Variants in CNRIP1 observed in about 807,000 individuals in gnomAD.
The protein encoded by CNRIP1 is cannabinoid receptor interacting protein 1, also known as CB1 cannabinoid receptor-interacting protein 1.
Under a neutral mutation model 15.2 loss-of-function variants are expected in CNRIP1, and 10 were observed. That is an observed-to-expected ratio of 0.66 (90% CI 0.41 to 1.12). CNRIP1 has a LOEUF of 1.12. CNRIP1 is among the 50% of genes most tolerant of loss of function. The pLI is 0.00. For missense variants in CNRIP1, 211 were observed against 214.7 expected (o/e 0.98, Z 0.11); for synonymous variants, 91 against 83.2 (o/e 1.09, Z -0.51).
rs1672433395 is a variant in CNRIP1, at chr2:68,319,764, T to C, written c.-364A>G. On this transcript the variant is annotated 5_prime_UTR_variant, in exon 1 of 3. The change abolishes the stop of an existing upstream ORF in the 5' untranslated region. Transcript: ENST00000263655. ...CTGGGGGCGAGGGAGTTAATCCTGT[T>C]TACGCACCACAATCCCCTTCAGCTG... 1 of 218,166 alleles carries C rather than the reference T, an allele frequency of 4.6e-6. No individual in the cohort carries two copies. 13.5% of individuals were successfully genotyped at this position (218,166 alleles called of 1,614,324 possible). A position where few individuals can be genotyped will look rare whatever the true frequency, so the allele number is the denominator to read the frequency against.
intron 2 of CNRIP1, among the ~76,000 whole-genome samples, chr2:68,311,208 GA>G (rs913712307): frequency 9.9e-5 from 15 of 151,974 alleles, no homozygotes; most frequent in African/African-American, 2.7e-4. Flanking sequence ...CCCAAGGGGG[GA>G]AAAACCAGTT....
At chr2:68,301,990 T>A (rs1045743082) in intron 2 of CNRIP1, among the ~76,000 whole-genome samples, 2 of 151,402 alleles carry the variant, frequency 1.3e-5, no homozygotes, top group Non-Finnish European at 2.9e-5. Flanking sequence ...TATTAACTTA[T>A]AAAATTCATA....
downstream of CNRIP1, among the ~76,000 whole-genome samples, chr2:68,292,788 T>G (rs532321221): frequency 6.6e-5 from 10 of 152,266 alleles, no homozygotes; most frequent in South Asian, 1.7e-3. Flanking sequence ...GTACAAGCAT[T>G]TTTTGATTGC....
chr2:68,311,853 C>A (rs1413677265), intron 2 of CNRIP1, among the ~76,000 whole-genome samples: 2 of 147,938 alleles, frequency 1.4e-5, no homozygotes, highest in African/African-American at 2.5e-5. Context: ...TCCTAAGACA[C>A]TGAAGAATGG....
At chr2:68,295,032 C>T (rs896092112) in intron 2 of CNRIP1, among the ~76,000 whole-genome samples, 1 of 152,198 alleles carries the variant, frequency 6.6e-6, no homozygotes, top group African/African-American at 2.4e-5. Context: ...GACCCTGCTA[C>T]TGCCTTCTGG....
chr2:68,293,991 T>C lies in CNRIP1; in HGVS notation c.366A>G (p.Gln122=). The change falls in exon 3 of 3, where the codon CAA becomes CAG. Residue 122 remains glutamine, a synonymous_variant. Transcript: ENST00000263655. ...GCTTGTGGTAATTGTAGAACTTGAC[T>C]TGCCACACTGTCTCGAAGGTCCCAA... ...TDIGTFETVW[Q]VKFYNYHKRD... 1 of 1,613,968 alleles carries C rather than the reference T, an allele frequency of 6.2e-7. No individual in the cohort carries two copies. The highest frequency in any genetic ancestry group is 8.5e-7 in the Non-Finnish European group (1 of 1,179,912).
intron 2 of CNRIP1, among the ~76,000 whole-genome samples, chr2:68,310,378 G>C (rs1045759682): frequency 1.3e-5 from 2 of 152,114 alleles, no homozygotes; most frequent in Admixed American, 6.5e-5. Context: ...AGAAATAGGG[G>C]AACCTCAGGG....
At chr2:68,304,525 A>G (rs545139745) in intron 2 of CNRIP1, among the ~76,000 whole-genome samples, 3 of 152,274 alleles carry the variant, frequency 2.0e-5, no homozygotes, top group South Asian at 2.1e-4. Flanking sequence ...CTAGGTTTCT[A>G]TATGTGAATT....
At chr2:68,319,103 G>T in intron 1 of CNRIP1, 119 bp downstream of exon 1, 1 of 1,055,244 alleles carries the variant, frequency 9.5e-7, no homozygotes, top group Non-Finnish European at 1.3e-6. Context: ...CAACCCCCGG[G>T]CCCGCTGGGA....
intron 2 of CNRIP1, among the ~76,000 whole-genome samples, chr2:68,302,948 C>T (rs377568959): frequency 1.3e-4 from 20 of 150,420 alleles, no homozygotes; most frequent in Non-Finnish European, 1.9e-4. Context: ...CCGGGGTTCA[C>T]GCCATTCTCC....
downstream of CNRIP1, among the ~76,000 whole-genome samples, chr2:68,292,330 G>C (rs1671195080): frequency 6.6e-6 from 1 of 152,134 alleles, no homozygotes; most frequent in African/African-American, 2.4e-5. Context: ...GCTGTTCCCT[G>C]GTGGCTGTAC....
chr2:68,307,450 T>C (rs2103667174), intron 2 of CNRIP1, among the ~76,000 whole-genome samples: 1 of 152,236 alleles, frequency 6.6e-6, no homozygotes, highest in East Asian at 1.9e-4. Flanking sequence ...GTCTCTGGAG[T>C]AGCTGAGACT....
chr2:68,305,270 A>ATGTGTGTGTGTGTGTG (rs1367890101), intron 2 of CNRIP1, among the ~76,000 whole-genome samples: 2 of 98,596 alleles, frequency 2.0e-5, no homozygotes, highest in South Asian at 5.2e-4. Context: ...ATATATATAT[A>ATGTGTGTGTGTGTGTG]TATATGTGTG....
intron 2 of CNRIP1, among the ~76,000 whole-genome samples, chr2:68,300,248 A>T (rs1020005433): frequency 3.3e-5 from 5 of 152,214 alleles, no homozygotes; most frequent in Non-Finnish European, 7.3e-5. Flanking sequence ...ATTGCTCTAT[A>T]TCCTCTCCAA....
rs768297383 is a variant in CNRIP1 at position 68,293,982 on chromosome 2, G to A, written c.375C>T (p.Phe125=). The change falls in exon 3 of 3, where the codon TTC becomes TTT. Residue 125 remains phenylalanine, a synonymous_variant. Transcript: ENST00000263655. ...GTFETVWQVK[F]YNYHKRDHCQ... ...AGTGATCCCGCTTGTGGTAATTGTA[G>A]AACTTGACTTGCCACACTGTCTCGA... 38 of 1,613,942 alleles carry A rather than the reference G, an allele frequency of 2.4e-5. No individual in the cohort carries two copies. The highest frequency in any genetic ancestry group is 1.4e-5 in the Non-Finnish European group (16 of 1,179,976).
chr2:68,308,711 A>T (rs1671960535), intron 2 of CNRIP1, among the ~76,000 whole-genome samples: 1 of 152,162 alleles, frequency 6.6e-6, no homozygotes, highest in Non-Finnish European at 1.5e-5. Flanking sequence ...TTGAGCTTAG[A>T]TTTGATGCTG....
At position 68,293,508 on chromosome 2, in the gene CNRIP1, T is replaced by A; in HGVS notation, c.*354A>T. The stretch of plus-strand genomic sequence containing the variant: ...CAAAAAAAAGGAGGAATCACTTAAC[T>A]TGGAAACAAAACACCAAAGTTAGTC... On this transcript the variant is annotated 3_prime_UTR_variant, in exon 3 of 3. Coordinates refer to ENST00000263655, the MANE Select transcript of CNRIP1 (RefSeq NM_015463.3). 1 of 1,008,310 alleles carries A rather than the reference T, an allele frequency of 9.9e-7. No individual in the cohort carries two copies. The highest frequency in any genetic ancestry group is 5.4e-5 in the Admixed American group (1 of 18,432). 62.5% of individuals were successfully genotyped at this position (1,008,310 alleles called of 1,614,324 possible). A position where few individuals can be genotyped will look rare whatever the true frequency, so the allele number is the denominator to read the frequency against.
intron 1 of CNRIP1, among the ~76,000 whole-genome samples, chr2:68,317,962 A>G (rs1382437195): frequency 6.6e-6 from 1 of 152,066 alleles, no homozygotes; most frequent in Non-Finnish European, 1.5e-5. Context: ...AAATAGTTTT[A>G]TTCCTAACAA....
intron 1 of CNRIP1, among the ~76,000 whole-genome samples, chr2:68,318,563 C>T (rs1216568069): frequency 1.3e-5 from 2 of 152,190 alleles, no homozygotes; most frequent in Non-Finnish European, 2.9e-5. Context: ...ATCCCAGGCA[C>T]CATCACCAGC....
Sources: gnomAD v4.1 joint callset for allele counts (sites outside exome capture counted in the v4.1 genomes callset) on GRCh38, gnomAD v4.1.1 for gene constraint, MANE v1.5 for transcripts, NCBI Gene and HGNC (gene_info 2026-07-23, HGNC 2026-07-21) for gene names.